The following KCNJ3 variants were observed in gnomAD, a reference collection of about 807,000 sequenced individuals.
KCNJ3 encodes potassium inwardly rectifying channel subfamily J member 3.
Under a neutral mutation model 39.2 loss-of-function variants are expected in KCNJ3, and 4 were observed. The ratio of observed to expected loss-of-function variants is 0.10; its 90% confidence interval spans 0.05 to 0.23. The LOEUF (loss-of-function observed/expected upper bound fraction) is 0.23, where lower values mean the gene tolerates loss of function less well. KCNJ3 is among the 10% of genes least tolerant of loss of function. The pLI is 1.00. For missense variants in KCNJ3, 276 were observed against 634.9 expected, an observed-to-expected ratio of 0.43 and a Z score of 6.08; for synonymous variants, 230 against 237.4, an observed-to-expected ratio of 0.97 and a Z score of 0.29.
chr2:154,724,046 C>T (rs1223858419), intron 2 of KCNJ3, among the ~76,000 whole-genome samples: 3 of 151,918 alleles, frequency 2.0e-5, no homozygotes, highest in East Asian at 3.9e-4. Context: ...AATCATATAC[C>T]ACTTGTCTTT....
chr2:154,770,946 A>C (rs1163447180), intron 2 of KCNJ3, among the ~76,000 whole-genome samples: 1 of 139,618 alleles, frequency 7.2e-6, no homozygotes, highest in East Asian at 2.1e-4. Flanking sequence ...GCTAGAGTGC[A>C]GTGGCACAAT....
chr2:154,777,424 C>T (rs575218621), intron 2 of KCNJ3, among the ~76,000 whole-genome samples: 1 of 152,326 alleles, frequency 6.6e-6, no homozygotes, highest in East Asian at 1.9e-4. Flanking sequence ...TCAAAAATTA[C>T]TGACCCAGAG....
At chr2:154,783,347 A>G (rs945750106) in intron 2 of KCNJ3, among the ~76,000 whole-genome samples, 5 of 152,132 alleles carry the variant, frequency 3.3e-5, no homozygotes, top group Admixed American at 6.5e-5. Context: ...AGTTTTAGTG[A>G]TGTTAACAGA....
At chr2:154,826,500 T>C (rs1025274817) in intron 2 of KCNJ3, among the ~76,000 whole-genome samples, 1 of 152,220 alleles carries the variant, frequency 6.6e-6, no homozygotes, top group Non-Finnish European at 1.5e-5. Context: ...TTTAACTTAA[T>C]GTTGGAAAGG....
chr2:154,767,027 T>A (rs72875777), intron 2 of KCNJ3, among the ~76,000 whole-genome samples: 1 of 152,252 alleles, frequency 6.6e-6, no homozygotes, highest in Non-Finnish European at 1.5e-5. Context: ...TTATTTGGAA[T>A]AGGTCTTAAC....
chr2:154,833,378 A>G (rs1178083729), intron 2 of KCNJ3, among the ~76,000 whole-genome samples: 1 of 152,214 alleles, frequency 6.6e-6, no homozygotes, highest in African/African-American at 2.4e-5. Flanking sequence ...TTTTCCAATT[A>G]ATAGACTTTA....
rs539601858 is a variant in KCNJ3 at position 154,801,907 on chromosome 2, G to A, written c.920-52820G>A. 5.6e-4 allele frequency among the ~76,000 whole-genome samples: 86 copies of A among 152,242 alleles called. No homozygotes were observed. The South Asian group carries it at 6.8e-3, about 12-fold the overall frequency. ...CTGGCAAAGTGTTGGGATTACAGGC[G>A]TGAGCCACTGCAACTGGTCTTCCTA... On this transcript the variant is annotated intron_variant, in intron 2 of 2. Transcript: ENST00000295101.
chr2:154,723,483 CA>C (rs1685298619), intron 2 of KCNJ3, among the ~76,000 whole-genome samples: 1 of 151,966 alleles, frequency 6.6e-6, no homozygotes, highest in Non-Finnish European at 1.5e-5. Context: ...AACAAACAAA[CA>C]AAAAGGGAAG....
At chr2:154,776,258 T>C (rs1686332919) in intron 2 of KCNJ3, among the ~76,000 whole-genome samples, 1 of 152,118 alleles carries the variant, frequency 6.6e-6, no homozygotes, top group African/African-American at 2.4e-5. Flanking sequence ...TTCCTTGGCC[T>C]CCCAAAGTGC....
chr2:154,829,060 G>T (rs539316456), intron 2 of KCNJ3, among the ~76,000 whole-genome samples: 1 of 152,050 alleles, frequency 6.6e-6, no homozygotes, highest in Non-Finnish European at 1.5e-5. Flanking sequence ...TAAAGTGGAG[G>T]TTAAAAATAT....
chr2:154,847,328 A>T (rs1687678902), intron 2 of KCNJ3, among the ~76,000 whole-genome samples: 2 of 152,208 alleles, frequency 1.3e-5, no homozygotes, highest in South Asian at 4.1e-4. Context: ...AGAGAATGCC[A>T]AGTTAGTGTT....
chr2:154,762,200 G>A (rs1225709591), intron 2 of KCNJ3, among the ~76,000 whole-genome samples: 1 of 152,102 alleles, frequency 6.6e-6, no homozygotes, highest in Non-Finnish European at 1.5e-5. Flanking sequence ...TAAGTTTGTG[G>A]CAATTTTTTT....
chr2:154,741,199 G>GTA (rs1381841098), intron 2 of KCNJ3, among the ~76,000 whole-genome samples: 2 of 151,834 alleles, frequency 1.3e-5, no homozygotes, highest in African/African-American at 4.8e-5. Context: ...GAATCTGATT[G>GTA]TAAGAAAGAT....
intron 2 of KCNJ3, among the ~76,000 whole-genome samples, chr2:154,792,175 A>T (rs546098023): frequency 6.6e-6 from 1 of 152,148 alleles, no homozygotes; most frequent in Admixed American, 6.6e-5. Flanking sequence ...AGGATTGTTT[A>T]TGCAGCAGCC....
chr2:154,813,744 T>C (rs1049023361), intron 2 of KCNJ3, among the ~76,000 whole-genome samples: 1 of 152,214 alleles, frequency 6.6e-6, no homozygotes, highest in Non-Finnish European at 1.5e-5. Context: ...ACTCTTGTTA[T>C]GGACCTTATA....
chr2:154,754,126 T>C (rs184648556), intron 2 of KCNJ3, among the ~76,000 whole-genome samples: 6 of 152,338 alleles, frequency 3.9e-5, no homozygotes, highest in Admixed American at 3.9e-4. Context: ...TCCCGTTTTG[T>C]ATCATGAATA....
intron 2 of KCNJ3, among the ~76,000 whole-genome samples, chr2:154,799,422 C>T (rs903699842): frequency 2.6e-5 from 4 of 152,148 alleles, no homozygotes; most frequent in South Asian, 2.1e-4. Context: ...CTGTGTCCAG[C>T]CACAAGAGTA....
intron 2 of KCNJ3, among the ~76,000 whole-genome samples, chr2:154,751,714 A>G (rs183497867): frequency 1.2e-4 from 18 of 152,230 alleles, no homozygotes; most frequent in Non-Finnish European, 2.5e-4. Flanking sequence ...CTTAAGAAAT[A>G]GAAATTTGTT....
At chr2:154,773,045 C>A (rs998438135) in intron 2 of KCNJ3, among the ~76,000 whole-genome samples, 1 of 151,672 alleles carries the variant, frequency 6.6e-6, no homozygotes, top group Non-Finnish European at 1.5e-5. Flanking sequence ...TTGCAAATTG[C>A]CCCGAATAGA....
Sources: allele counts gnomAD v4.1 joint callset (sites outside exome capture counted in the v4.1 genomes callset), GRCh38; gene constraint gnomAD v4.1.1; transcripts MANE v1.5; gene names NCBI Gene and HGNC (gene_info 2026-07-23, HGNC 2026-07-21).